The following RUFY4 variants were observed in gnomAD, a reference collection of about 807,000 sequenced individuals.
RUFY4 encodes RUN and FYVE domain-containing protein 4.
A neutral mutation model predicts 69.0 loss-of-function variants in RUFY4; 73 were observed. The observed-to-expected ratio is 1.06, with a 90% CI of 0.88 to 1.29. The LOEUF is 1.29. Ranked by LOEUF, RUFY4 falls within the 50% of genes most tolerant of loss-of-function variation. The pLI, the probability that RUFY4 is intolerant of heterozygous loss-of-function variation, is 0.00. For missense variants in RUFY4, 770 were observed against 705.6 expected, an observed-to-expected ratio of 1.09 and a Z score of -1.03; for synonymous variants, 287 against 271.8, an observed-to-expected ratio of 1.06 and a Z score of -0.55.
At chr2:218,076,379 C>G in intron 7 of RUFY4, 48 bp from the exon 10 acceptor site, 1 of 1,541,854 alleles carries the variant, frequency 6.5e-7, no homozygotes, top group Admixed American at 2.0e-5. Context: ...GCACTGGGGT[C>G]TCTGCCCTTC....
intron 8 of RUFY4, 28 bp downstream of exon 10, chr2:218,076,561 C>T (rs985133520): frequency 1.4e-5 from 21 of 1,547,236 alleles, no homozygotes; most frequent in Non-Finnish European, 1.8e-5. Context: ...CAGCACAGGG[C>T]ACCTGGAAGT....
intron 3 of RUFY4, chr2:218,059,926 T>C (rs1689143665): frequency 5.8e-6 from 1 of 171,036 alleles, no homozygotes; most frequent in Non-Finnish European, 1.4e-5. Context: ...GCCACAACAT[T>C]TTACATTCCC....
intron 8 of RUFY4, among the ~76,000 whole-genome samples, chr2:218,079,927 A>C (rs898880522): frequency 6.6e-6 from 1 of 152,226 alleles, no homozygotes; most frequent in Non-Finnish European, 1.5e-5. Context: ...AGGGAAAAAA[A>C]CAAAGGCAGG....
At chr2:218,036,444 A>G (rs1328413164) in intron 2 of RUFY4, among the ~76,000 whole-genome samples, 2 of 125,506 alleles carry the variant, frequency 1.6e-5, no homozygotes, top group Admixed American at 7.1e-5. Flanking sequence ...AAATTAAAAC[A>G]GGGGGTGAGA....
At chr2:218,041,921 T>C (rs114522341) in intron 2 of RUFY4, among the ~76,000 whole-genome samples, 1,601 of 152,372 alleles carry the variant, frequency 0.011, 29 homozygotes, top group African/African-American at 0.036. Context: ...AGCGTTATTC[T>C]CAGTTACTGC....
At chr2:218,074,063 G>A in intron 6 of RUFY4, 178 bp downstream of exon 8, 2 of 663,278 alleles carry the variant, frequency 3.0e-6, no homozygotes, top group Non-Finnish European at 5.3e-6. Context: ...AGGAGGAGAG[G>A]GCTCCTATTC....
intron 2 of RUFY4, among the ~76,000 whole-genome samples, chr2:218,036,570 G>T (rs1559417872): frequency 6.6e-6 from 1 of 152,224 alleles, no homozygotes; most frequent in Non-Finnish European, 1.5e-5. Flanking sequence ...GGATCTCTTA[G>T]ATGACGTAAA....
rs138567499 is a variant in RUFY4 at position 218,060,711 on chromosome 2, C to G, written c.-1071+2030C>G. The G allele has an allele frequency of 3.7e-5, 50 of 1,368,596 alleles. No individual in the cohort carries two copies. The African/African-American group carries it at 6.5e-4, about 18-fold the overall frequency. 84.8% of individuals were successfully genotyped at this position (1,368,596 alleles called of 1,614,324 possible). A position where few individuals can be genotyped will look rare whatever the true frequency, so the allele number is the denominator to read the frequency against. Reference sequence around the variant, plus strand: ...TCTGCCCCATATGGGCCTTAAACAGCGTATGCAGGGTGAATCTGTAGCAGA... The same window carrying G: ...TCTGCCCCATATGGGCCTTAAACAGGGTATGCAGGGTGAATCTGTAGCAGA... On this transcript the variant is annotated intron_variant and NMD_transcript_variant, in intron 3 of 13. Coordinates refer to the RUFY4 transcript ENST00000457754.
At chr2:218,072,598 C>A in intron 3 of RUFY4, 99 bp downstream of exon 5, 1 of 1,464,926 alleles carries the variant, frequency 6.8e-7, no homozygotes, top group Non-Finnish European at 9.1e-7. Context: ...GACCCCTCAC[C>A]TGCTCTGCAT....
At chr2:218,057,099 G>T (rs1426019829) in intron 2 of RUFY4, among the ~76,000 whole-genome samples, 1 of 150,870 alleles carries the variant, frequency 6.6e-6, no homozygotes, top group East Asian at 1.9e-4. Flanking sequence ...AAAAAAGAGA[G>T]AGAGAAGACT....
intron 2 of RUFY4, among the ~76,000 whole-genome samples, chr2:218,058,429 T>A (rs770145433): frequency 5.3e-5 from 8 of 152,206 alleles, no homozygotes; most frequent in Non-Finnish European, 1.2e-4. Context: ...AGCCCCAATG[T>A]GTTTCTCCCT....
intron 7 of RUFY4, 112 bp downstream of exon 9, chr2:218,075,852 T>C (rs1689619505): frequency 2.7e-6 from 3 of 1,101,150 alleles, no homozygotes; most frequent in Admixed American, 3.0e-5. Flanking sequence ...TCAATTTTTA[T>C]TGGCCCACTC....
chr2:218,060,184 G>A, intron 3 of RUFY4: 1 of 614,916 alleles, frequency 1.6e-6, no homozygotes, highest in Non-Finnish European at 2.7e-6. Context: ...ATCATGCAAG[G>A]GAAACTAGTA....
chr2:218,064,206 G>A (rs1310038743), intron 3 of RUFY4, among the ~76,000 whole-genome samples: 1 of 152,178 alleles, frequency 6.6e-6, no homozygotes, highest in African/African-American at 2.4e-5. Flanking sequence ...TGGGGAAGCA[G>A]AGCCAGAAGG....
intron 3 of RUFY4, 102 bp from the exon 6 acceptor site, chr2:218,072,677 C>G: frequency 6.2e-6 from 8 of 1,291,916 alleles, no homozygotes; most frequent in Non-Finnish European, 8.3e-6. Flanking sequence ...GGTCCCCCTG[C>G]ACCCTTCCCA....
At chr2:218,065,794 T>G (rs1689310362), upstream of RUFY4, 1 of 152,070 alleles carries the variant, frequency 6.6e-6, no homozygotes, top group Non-Finnish European at 1.5e-5. Context: ...CTTCCAGGAG[T>G]CAGACAGCAG....
At chr2:218,080,130 G>A (rs1689726625) in intron 8 of RUFY4, among the ~76,000 whole-genome samples, 1 of 152,214 alleles carries the variant, frequency 6.6e-6, no homozygotes, top group South Asian at 2.1e-4. Flanking sequence ...CATACGGGGT[G>A]TGGCTGAGCA....
At chr2:218,072,009 G>A (rs1022920209) in intron 2 of RUFY4, among the ~76,000 whole-genome samples, 11 of 152,240 alleles carry the variant, frequency 7.2e-5, no homozygotes, top group Non-Finnish European at 1.5e-4. Flanking sequence ...GGCAAGGCTA[G>A]GGGCACTCCA....
intron 1 of RUFY4, 47 bp from the exon 4 acceptor site, chr2:218,070,706 T>TG: frequency 6.5e-7 from 1 of 1,535,188 alleles, no homozygotes; most frequent in East Asian, 2.4e-5. Flanking sequence ...AGTCAGGGTC[T>TG]GGGAGCCCCT....
Sources: gnomAD v4.1 joint callset for allele counts (sites outside exome capture counted in the v4.1 genomes callset) on GRCh38, gnomAD v4.1.1 for gene constraint, MANE v1.5 for transcripts, NCBI Gene and HGNC (gene_info 2026-07-23, HGNC 2026-07-21) for gene names.